SEPTIN9: variants seen among roughly 807,000 people sequenced by gnomAD.
The protein encoded by SEPTIN9 is septin-9.
SEPTIN9 carries 13 observed loss-of-function variants against 56.6 expected under a neutral mutation model. The ratio of observed to expected loss-of-function variants is 0.23; its 90% CI spans 0.15 to 0.37. SEPTIN9 has a LOEUF of 0.37. SEPTIN9 is among the 10% of genes least tolerant of loss of function. SEPTIN9 has a pLI of 1.00. For synonymous variants in SEPTIN9, 332 were observed against 334.1 expected, an observed-to-expected ratio of 0.99 and a Z score of 0.07; for missense variants, 650 against 823.1, an observed-to-expected ratio of 0.79 and a Z score of 2.57.
At position 77,295,881 on chromosome 17, in the gene SEPTIN9, T is replaced by C. The variant is rs372858156; in HGVS notation, c.20-11260T>C. 9.2e-5 allele frequency among the ~76,000 whole-genome samples: 14 copies of C among 152,096 alleles called. No individual in the cohort carries two copies. The East Asian group carries it at 1.6e-3, about 17-fold the overall frequency. On this transcript the variant is annotated intron_variant, in intron 1 of 11. Transcript: ENST00000427177. ...CCATATCTTCTGGGGAGTTTGGTCA[T>C]GAACATGGTTTCCCATTTGTTGTGG...
In SEPTIN9 at chr17:77,371,453, C is replaced by T. The variant is rs1288426622; in HGVS notation, c.77-30606C>T. On this transcript the variant is annotated intron_variant, in intron 2 of 11. Coordinates refer to ENST00000427177, the MANE Select transcript of SEPTIN9 (RefSeq NM_001113491.2). This position sits in a 1 kb window ranked among gnomAD's most constrained non-coding sequence, Gnocchi z 4.1. ...GAAAGAACAATTGCATGGGTGTGTC[C>T]ACACTCACCAGGTGCTTTTTAGAAA... is the stretch of plus-strand genomic sequence containing the variant. Among the ~76,000 whole-genome samples the T allele has an allele frequency of 6.6e-6, 1 of 152,208 alleles. No individual in the cohort carries two copies. The highest frequency in any genetic ancestry group is 1.9e-4 in the East Asian group (1 of 5,206).
intron 3 of SEPTIN9, chr17:77,454,492 C>T (rs566023152): frequency 2.9e-5 from 16 of 546,006 alleles, no homozygotes; most frequent in South Asian, 1.6e-4. Context: ...TGGGAAGGCG[C>T]GGGTCTAATT....
At chr17:77,308,532 A>G (rs2032359068) in intron 2 of SEPTIN9, among the ~76,000 whole-genome samples, 1 of 152,236 alleles carries the variant, frequency 6.6e-6, no homozygotes, top group African/African-American at 2.4e-5. Context: ...TTGCACACTC[A>G]AAGTATAAAT....
At chr17:77,459,821 G>T (rs1021853101) in intron 3 of SEPTIN9, among the ~76,000 whole-genome samples, 1 of 152,080 alleles carries the variant, frequency 6.6e-6, no homozygotes. Flanking sequence ...GATTACAGGC[G>T]CATGCCACCG....
intron 3 of SEPTIN9, chr17:77,447,127 T>G (rs1452546063): frequency 6.0e-6 from 1 of 167,096 alleles, no homozygotes; most frequent in East Asian, 1.9e-4. Flanking sequence ...TTTTAATAAG[T>G]GCAATTCTGT....
intron 3 of SEPTIN9, among the ~76,000 whole-genome samples, chr17:77,459,703 C>G (rs368522587): frequency 7.9e-5 from 12 of 151,918 alleles, no homozygotes; most frequent in South Asian, 4.2e-4. Flanking sequence ...AGAGAGAGAA[C>G]TCCCAGACTC....
chr17:77,415,680 C>T (rs548825677), intron 3 of SEPTIN9, among the ~76,000 whole-genome samples: 182 of 152,104 alleles, frequency 1.2e-3, no homozygotes, highest in African/African-American at 4.0e-3. Context: ...GCCCTGTGCC[C>T]GGCACCGAAG....
At chr17:77,361,589 T>C (rs1455889410) in intron 2 of SEPTIN9, among the ~76,000 whole-genome samples, 2 of 151,986 alleles carry the variant, frequency 1.3e-5, no homozygotes, top group Non-Finnish European at 2.9e-5. Flanking sequence ...TCTGGATAAA[T>C]GTTCTAGCTT....
chr17:77,500,378 T>TGGGG lies in SEPTIN9; in HGVS notation c.*1722_*1723insGGGG. Reference sequence around the variant, plus strand: ...CCTGCCCAGCCTCAATGTCACTTGGTGGCGGGGTGGGGTGGGGGTGGGCAG... The same window carrying TGGGG: ...CCTGCCCAGCCTCAATGTCACTTGGTGGGGGGCGGGGTGGGGTGGGGGTGGGCAG... On this transcript the variant is annotated 3_prime_UTR_variant, in exon 12 of 12. Transcript: ENST00000427177. The TGGGG allele has an allele frequency of 5.8e-6, 1 of 173,434 alleles. No homozygotes were observed. Among genetic ancestry groups the TGGGG allele is most frequent in the Non-Finnish European group, 1.2e-5 (1 of 83,202 alleles). The allele number at this position is 173,434 out of a possible 1,614,324, so 10.7% of individuals were successfully genotyped here.
intron 2 of SEPTIN9, among the ~76,000 whole-genome samples, chr17:77,388,906 C>T (rs1347600043): frequency 6.9e-6 from 1 of 145,178 alleles, no homozygotes; most frequent in Non-Finnish European, 1.5e-5. Context: ...GGTGGCTTCT[C>T]TGCCCAGGCA....
chr17:77,392,447 T>A (rs374092807), intron 2 of SEPTIN9, among the ~76,000 whole-genome samples: 2 of 152,210 alleles, frequency 1.3e-5, no homozygotes, highest in African/African-American at 4.8e-5. Flanking sequence ...GTTCTTTTCC[T>A]CCTTGTCCAG....
intron 3 of SEPTIN9, among the ~76,000 whole-genome samples, chr17:77,452,665 A>G (rs1207211448): frequency 6.6e-6 from 1 of 151,988 alleles, no homozygotes; most frequent in Admixed American, 6.6e-5. Flanking sequence ...ATCCCACATG[A>G]GAAAACCCGT....
chr17:77,391,569 A>C (rs2035540482), intron 2 of SEPTIN9, among the ~76,000 whole-genome samples: 1 of 152,224 alleles, frequency 6.6e-6, no homozygotes, highest in Non-Finnish European at 1.5e-5. Context: ...ACATCTGCAA[A>C]GATCCGTTTT....
intron 2 of SEPTIN9, among the ~76,000 whole-genome samples, chr17:77,316,210 GC>G (rs939501530): frequency 4.6e-5 from 7 of 152,164 alleles, no homozygotes; most frequent in African/African-American, 7.2e-5. Context: ...CTGGTGAAGT[GC>G]CCCCTTAGTG....
rs1047598237 is a variant in SEPTIN9, at chr17:77,445,283, C to A, written c.722-36861C>A. On this transcript the variant is annotated intron_variant, in intron 3 of 11. Transcript: ENST00000427177. The surrounding 1 kb of genome is among the most constrained non-coding windows in gnomAD (Gnocchi z 4.7). ...CACATTCCTGCTCCCCAGCCCTTTC[C>A]TCCGCACCCCCATGCAGAAGCGCGG... is the stretch of plus-strand genomic sequence containing the variant. 4 of 468,004 alleles carry A rather than the reference C, an allele frequency of 8.5e-6. No homozygotes were observed. The highest frequency in any genetic ancestry group is 3.2e-4 in the Middle Eastern group (1 of 3,078). 29.0% of individuals were successfully genotyped at this position (468,004 alleles called of 1,614,324 possible). A position where few individuals can be genotyped will look rare whatever the true frequency, so the allele number is the denominator to read the frequency against.
chr17:77,395,908 C>G (rs2035697469), intron 2 of SEPTIN9, among the ~76,000 whole-genome samples: 1 of 152,152 alleles, frequency 6.6e-6, no homozygotes, highest in Non-Finnish European at 1.5e-5. Context: ...TGCAAATGTC[C>G]TCGTACGTAA....
intron 3 of SEPTIN9, among the ~76,000 whole-genome samples, chr17:77,416,998 T>C (rs575146160): frequency 2.0e-5 from 3 of 152,250 alleles, no homozygotes. Flanking sequence ...TCTCGAGGAG[T>C]TACAAGATGC....
chr17:77,355,645 A>G (rs1363021286), intron 2 of SEPTIN9, among the ~76,000 whole-genome samples: 2 of 152,162 alleles, frequency 1.3e-5, no homozygotes, highest in African/African-American at 4.8e-5. Flanking sequence ...AAGGCCTTCC[A>G]TGGTGAAGGA....
At chr17:77,379,006 G>C (rs896650323) in intron 2 of SEPTIN9, among the ~76,000 whole-genome samples, 1 of 152,152 alleles carries the variant, frequency 6.6e-6, no homozygotes, top group Non-Finnish European at 1.5e-5. Context: ...CCTGAAAAGC[G>C]GTTGTGGCAG....
Sources: allele counts gnomAD v4.1 joint callset (sites outside exome capture counted in the v4.1 genomes callset), GRCh38; gene constraint gnomAD v4.1.1; non-coding constraint Gnocchi (gnomAD v3.1); transcripts MANE v1.5; gene names NCBI Gene and HGNC (gene_info 2026-07-23, HGNC 2026-07-21).